Variants in ABLIM1 observed in about 807,000 individuals in gnomAD.
The protein encoded by ABLIM1 is actin binding LIM protein 1, also known as actin-binding LIM protein 1.
Under a neutral mutation model 107.0 loss-of-function variants are expected in ABLIM1, and 40 were observed. That is an observed-to-expected ratio of 0.37 (90% confidence interval 0.29 to 0.49). The LOEUF is 0.49. Among genes scored for constraint, ABLIM1 ranks in the 20% least tolerant of loss-of-function variants. The pLI is 0.97. For synonymous variants in ABLIM1, 357 were observed against 357.3 expected, an observed-to-expected ratio of 1.00 and a Z score of 0.01; for missense variants, 857 against 1,008.5, an observed-to-expected ratio of 0.85 and a Z score of 2.04.
chr10:114,461,800 C>A (rs1589939392), intron 12 of ABLIM1, among the ~76,000 whole-genome samples: 1 of 151,974 alleles, frequency 6.6e-6, no homozygotes, highest in East Asian at 1.9e-4. Context: ...GCCTGGGTGA[C>A]AGAGTGAGAC....
intron 3 of ABLIM1, 24 bp from the exon 4 acceptor site, chr10:114,571,430 T>C: frequency 6.2e-7 from 1 of 1,601,966 alleles, no homozygotes; most frequent in Non-Finnish European, 8.6e-7. Flanking sequence ...GACATCGCCC[T>C]CAAGGTTATT....
At chr10:114,732,540 A>T (rs540749220) in intron 1 of ABLIM1, among the ~76,000 whole-genome samples, 10 of 152,198 alleles carry the variant, frequency 6.6e-5, no homozygotes, top group Non-Finnish European at 1.3e-4. Flanking sequence ...CTTTCTCAAT[A>T]ATGTCATTTA....
At chr10:114,546,811 TACTC>T (rs1162676851) in intron 5 of ABLIM1, among the ~76,000 whole-genome samples, 6 of 152,198 alleles carry the variant, frequency 3.9e-5, no homozygotes, top group Non-Finnish European at 7.3e-5. Flanking sequence ...GACAAGGTCT[TACTC>T]AGTTGCCCTG....
At chr10:114,785,327 T>C in the ABLIM1 span, among the ~76,000 whole-genome samples, 1 of 152,198 alleles carries the variant, frequency 6.6e-6, no homozygotes, top group Non-Finnish European at 1.5e-5. Context: ...CAAAAGACAA[T>C]GAATAATGGT....
intron 14 of ABLIM1, among the ~76,000 whole-genome samples, chr10:114,451,014 T>C (rs1312567974): frequency 2.0e-5 from 3 of 152,180 alleles, no homozygotes; most frequent in Non-Finnish European, 4.4e-5. Context: ...TTGCAGGAAG[T>C]TCAGAGACAA....
chr10:114,603,508 C>T (rs1489843452), intron 1 of ABLIM1, among the ~76,000 whole-genome samples: 1 of 151,954 alleles, frequency 6.6e-6, no homozygotes, highest in Admixed American at 6.6e-5. Context: ...CTCTTGAAAA[C>T]CTGTATTTAC....
chr10:114,689,924 GCTAA>G (rs891181490), upstream of ABLIM1, among the ~76,000 whole-genome samples: 5 of 152,074 alleles, frequency 3.3e-5, 1 homozygote, highest in East Asian at 3.9e-4. Flanking sequence ...CCAAAATGGG[GCTAA>G]CTTTTTATAG....
intron 4 of ABLIM1, among the ~76,000 whole-genome samples, chr10:114,564,011 C>T (rs1452160053): frequency 6.7e-6 from 1 of 148,780 alleles, no homozygotes; most frequent in Non-Finnish European, 1.5e-5. Flanking sequence ...ATCAGTAATA[C>T]AATCAATGGT....
intron 2 of ABLIM1, among the ~76,000 whole-genome samples, chr10:114,600,955 T>C (rs2075924758): frequency 1.3e-5 from 2 of 152,120 alleles, no homozygotes; most frequent in African/African-American, 2.4e-5. Flanking sequence ...GGCTTGTTAA[T>C]GGAAATCAAC....
At chr10:114,449,091 A>G (rs1374206096) in intron 14 of ABLIM1, among the ~76,000 whole-genome samples, 2 of 152,216 alleles carry the variant, frequency 1.3e-5, no homozygotes, top group African/African-American at 2.4e-5. Flanking sequence ...CAACTTTAAA[A>G]CAACAAAAGC....
At chr10:114,762,335 G>C (rs1291938526) in intron 1 of ABLIM1, among the ~76,000 whole-genome samples, 1 of 152,064 alleles carries the variant, frequency 6.6e-6, no homozygotes. Flanking sequence ...GCCCGGCCAG[G>C]ATATCCTTTT....
At chr10:114,640,573 G>T (rs2078699327) in intron 1 of ABLIM1, among the ~76,000 whole-genome samples, 1 of 151,556 alleles carries the variant, frequency 6.6e-6, no homozygotes, top group South Asian at 2.1e-4. Context: ...ACAAAAAACA[G>T]TTGAGTCAGA....
At chr10:114,744,146 G>T (rs1033206920) in intron 1 of ABLIM1, among the ~76,000 whole-genome samples, 1 of 152,210 alleles carries the variant, frequency 6.6e-6, no homozygotes, top group Non-Finnish European at 1.5e-5. Context: ...ACTCTCTAGG[G>T]AGAAGGCAAT....
In ABLIM1 at chr10:114,491,887, G is replaced by C. The variant is rs574294919; in HGVS notation, c.895-9C>G. On this transcript the variant is annotated splice_polypyrimidine_tract_variant and intron_variant, in intron 6 of 22. Coordinates refer to ENST00000533213, the MANE Select transcript of ABLIM1 (RefSeq NM_002313.7). The stretch of plus-strand genomic sequence containing the variant: ...TAATGTTTGTCACCTGCCTGCAAGA[G>C]AAAAGGTAGGGAACGTTGAGTCTGC... The C allele has an allele frequency of 5.0e-6, 8 of 1,602,372 alleles. No individual in the cohort carries two copies. The African/African-American group carries it at 9.4e-5, about 19-fold the overall frequency.
intron 2 of ABLIM1, among the ~76,000 whole-genome samples, chr10:114,580,659 ACT>A (rs1335262292): frequency 6.6e-6 from 1 of 152,126 alleles, no homozygotes; most frequent in Non-Finnish European, 1.5e-5. Flanking sequence ...CAAAGGCATT[ACT>A]CTTTTTAACC....
rs528052961 is a variant in ABLIM1, at chr10:114,511,672, A to C, written c.895-19794T>G. Among the ~76,000 whole-genome samples the C allele has an allele frequency of 2.0e-5, 3 of 151,906 alleles. 1 individual carries two copies. In the South Asian group the frequency reaches 6.2e-4, roughly 32 times the overall value. On this transcript the variant is annotated intron_variant, in intron 6 of 22. Transcript: ENST00000533213. ...GAGCCACCACACCTGGCCCCTTCTCATGTCTTTCTAGAAAAGTCCCATTTC... is the reference window on the plus strand; with the variant it reads ...GAGCCACCACACCTGGCCCCTTCTCCTGTCTTTCTAGAAAAGTCCCATTTC...
chr10:114,661,739 A>G (rs1475465943), upstream of ABLIM1, among the ~76,000 whole-genome samples: 1 of 152,246 alleles, frequency 6.6e-6, no homozygotes, highest in Non-Finnish European at 1.5e-5. Flanking sequence ...ATCTTATCAG[A>G]TAGGAAATTC....
chr10:114,795,750 T>A, the ABLIM1 span, among the ~76,000 whole-genome samples: 2 of 151,694 alleles, frequency 1.3e-5, no homozygotes, highest in Non-Finnish European at 1.5e-5. Context: ...GTTTTACCAC[T>A]CAGTGGTCGC....
intron 4 of ABLIM1, among the ~76,000 whole-genome samples, chr10:114,565,784 A>ATTTAT (rs1591259635): frequency 1.3e-5 from 1 of 74,574 alleles, no homozygotes; most frequent in Non-Finnish European, 2.8e-5. Flanking sequence ...ATCTGAAATG[A>ATTTAT]TTTCTTTTTT....
Sources: gnomAD v4.1 joint callset for allele counts (sites outside exome capture counted in the v4.1 genomes callset) on GRCh38, gnomAD v4.1.1 for gene constraint, MANE v1.5 for transcripts, NCBI Gene and HGNC (gene_info 2026-07-23, HGNC 2026-07-21) for gene names.